CPAMD8: variants seen among roughly 807,000 people sequenced by gnomAD.
The protein encoded by CPAMD8 is C3 and PZP like alpha-2-macroglobulin domain containing 8.
Under a neutral mutation model 224.7 loss-of-function variants are expected in CPAMD8, and 146 were observed. That is an observed-to-expected ratio of 0.65 (90% confidence interval 0.57 to 0.75). The LOEUF is 0.75. CPAMD8 is among the 30% of genes least tolerant of loss of function. CPAMD8 has a pLI of 0.00. For synonymous variants in CPAMD8, 966 were observed against 1,044.6 expected, an observed-to-expected ratio of 0.92 and a Z score of 1.45; for missense variants, 2,301 against 2,537.5, an observed-to-expected ratio of 0.91 and a Z score of 2.00.
In CPAMD8 at chr19:16,898,208, G is replaced by T; in HGVS notation, c.4849-214C>A. ...TGCCCAGGCTGGAGTGCAGTGGCGT[G>T]ATCTCGGCTCACTGCAAGCTCGGCC... On this transcript the variant is annotated intron_variant, in intron 37 of 41. Transcript: ENST00000443236. The surrounding 1 kb of genome is among the most constrained non-coding windows in gnomAD (Gnocchi z 4.2). 2.0e-6 allele frequency: 1 copy of T among 503,340 alleles called. No homozygotes were observed. Among genetic ancestry groups the T allele is most frequent in the South Asian group, 2.5e-5 (1 of 40,460 alleles). 31.2% of individuals were successfully genotyped at this position (503,340 alleles called of 1,614,324 possible).
At chr19:16,912,802 C>T (rs1367309464) in intron 29 of CPAMD8, among the ~76,000 whole-genome samples, 5 of 151,946 alleles carry the variant, frequency 3.3e-5, no homozygotes, top group African/African-American at 1.2e-4. Flanking sequence ...GTGTACATAT[C>T]TTGTTGTCCA....
chr19:16,922,014 C>CCTGTTGA (rs1413799997), intron 26 of CPAMD8, 28 bp from the exon 27 acceptor site: 1 of 1,514,146 alleles, frequency 6.6e-7, no homozygotes, highest in African/African-American at 1.4e-5. Context: ...AGGACCCTGT[C>CCTGTTGA]CTGTTGAGTG....
rs143580220 is a variant in CPAMD8 at position 16,981,323 on chromosome 19, T to A, written c.1396-637A>T. Among the ~76,000 whole-genome samples, 579 of 152,124 alleles carry A rather than the reference T, an allele frequency of 3.8e-3. 1 individual carries two copies. Among genetic ancestry groups the A allele is most frequent in the Non-Finnish European group, 6.5e-3 (442 of 67,996 alleles). Reference sequence around the variant, plus strand: ...CTGCAGTGAGCCATGATCGCACCACTGCACTCCAGCCTGGGTAACAGAGTG... The same window carrying A: ...CTGCAGTGAGCCATGATCGCACCACAGCACTCCAGCCTGGGTAACAGAGTG... On this transcript the variant is annotated intron_variant, in intron 13 of 41. Transcript: ENST00000443236.
intron 17 of CPAMD8, among the ~76,000 whole-genome samples, chr19:16,971,775 A>AG (rs2055071402): frequency 6.6e-6 from 1 of 152,162 alleles, no homozygotes; most frequent in East Asian, 1.9e-4. Context: ...GGCCAGGCAT[A>AG]GTGGCACATG....
chr19:17,011,442 C>G, intron 5 of CPAMD8, 22 bp downstream of exon 5: 2 of 1,614,130 alleles, frequency 1.2e-6, no homozygotes, highest in East Asian at 2.2e-5. Flanking sequence ...TCCGGGCCCG[C>G]GGTTTTAGAA....
At chr19:17,025,522 TC>T (rs991416499) in intron 1 of CPAMD8, among the ~76,000 whole-genome samples, 1 of 152,174 alleles carries the variant, frequency 6.6e-6, no homozygotes, top group African/African-American at 2.4e-5. Flanking sequence ...GCCGCGTCAT[TC>T]CTTGCAGTGG....
chr19:16,952,789 T>G (rs1302962495), intron 19 of CPAMD8, among the ~76,000 whole-genome samples: 1 of 152,212 alleles, frequency 6.6e-6, no homozygotes, highest in Non-Finnish European at 1.5e-5. Context: ...ATGTCAAAAC[T>G]ACCCAAAGTG....
In CPAMD8 at chr19:17,017,527, T is replaced by A. The variant is rs574856422; in HGVS notation, c.267+2804A>T. 3.3e-5 allele frequency among the ~76,000 whole-genome samples: 5 copies of A among 152,252 alleles called. No individual in the cohort carries two copies. The East Asian group carries it at 9.7e-4, about 29-fold the overall frequency. ...AATGTGGACTTCTGGGGCCACATCC[T>A]TCTTTGCTGTAAGGGATCCTGCGCA... On this transcript the variant is annotated intron_variant, in intron 3 of 41. Transcript: ENST00000443236.
At chr19:16,941,888 G>C (rs187552302) in intron 22 of CPAMD8, among the ~76,000 whole-genome samples, 1 of 152,096 alleles carries the variant, frequency 6.6e-6, no homozygotes, top group Non-Finnish European at 1.5e-5. Flanking sequence ...CAGGAGACTC[G>C]CTTGAACAAG....
intron 32 of CPAMD8, 49 bp downstream of exon 32, chr19:16,904,176 AC>A: frequency 1.1e-6 from 1 of 937,340 alleles, no homozygotes; most frequent in Non-Finnish European, 1.7e-6. Flanking sequence ...GACTGCAGGG[AC>A]CCCACCCACC....
chr19:16,937,078 TTCCTTCCTTCC>T (rs1311909824), intron 23 of CPAMD8, among the ~76,000 whole-genome samples: 1 of 149,672 alleles, frequency 6.7e-6, no homozygotes, highest in East Asian at 2.0e-4. Context: ...CCTTCCTTCC[TTCCTTCCTTCC>T]TCCTTCCTTC....
chr19:16,920,855 CAAAAAAAAAAA>C (rs200039066), intron 27 of CPAMD8, among the ~76,000 whole-genome samples: 126 of 119,042 alleles, frequency 1.1e-3, no homozygotes, highest in African/African-American at 2.8e-3. Context: ...GACTCTATCT[CAAAAAAAAAAA>C]AAAAAAAAAA....
chr19:16,921,747 T>G (rs536151247), intron 27 of CPAMD8, among the ~76,000 whole-genome samples, 158 bp downstream of exon 27: 1 of 152,136 alleles, frequency 6.6e-6, no homozygotes, highest in Non-Finnish European at 1.5e-5. Flanking sequence ...CCAACCTCCA[T>G]CTCTGGAGCT....
chr19:17,004,094 C>A (rs373678719), intron 8 of CPAMD8, among the ~76,000 whole-genome samples, 179 bp downstream of exon 8: 1 of 151,876 alleles, frequency 6.6e-6, no homozygotes, highest in Non-Finnish European at 1.5e-5. Flanking sequence ...TTAGTAGACA[C>A]GAGGTTTCGC....
At chr19:16,940,362 G>A (rs897737730) in intron 22 of CPAMD8, among the ~76,000 whole-genome samples, 4 of 152,100 alleles carry the variant, frequency 2.6e-5, no homozygotes, top group Non-Finnish European at 4.4e-5. Context: ...TAGGGGGTGC[G>A]GATTTCTGTT....
chr19:17,023,104 T>C (rs2057000500), intron 1 of CPAMD8, among the ~76,000 whole-genome samples: 1 of 151,980 alleles, frequency 6.6e-6, no homozygotes, highest in South Asian at 2.1e-4. Flanking sequence ...AAACAAACCA[T>C]AGGGCCTCAA....
chr19:16,995,694 C>T (rs2056100829), intron 11 of CPAMD8, among the ~76,000 whole-genome samples: 1 of 152,194 alleles, frequency 6.6e-6, no homozygotes, highest in African/African-American at 2.4e-5. Flanking sequence ...AGCCACCGTG[C>T]CCAGCCTACC....
intron 2 of CPAMD8, among the ~76,000 whole-genome samples, chr19:17,021,392 C>T (rs138008329): frequency 6.6e-6 from 1 of 152,304 alleles, no homozygotes; most frequent in Non-Finnish European, 1.5e-5. Context: ...TCTCTGGCCA[C>T]ACCTCCCTAA....
chr19:17,022,252 C>G (rs898161541), intron 1 of CPAMD8, 71 bp from the exon 2 acceptor site: 22 of 1,534,372 alleles, frequency 1.4e-5, no homozygotes, highest in Non-Finnish European at 1.9e-5. Flanking sequence ...ACAGCTAGGT[C>G]AGGGCTCTCC....
Sources: gnomAD v4.1 joint callset for allele counts (sites outside exome capture counted in the v4.1 genomes callset) on GRCh38, gnomAD v4.1.1 for gene constraint, Gnocchi (gnomAD v3.1) non-coding constraint, MANE v1.5 for transcripts, NCBI Gene and HGNC (gene_info 2026-07-23, HGNC 2026-07-21) for gene names.